The following DTNB variants were observed in gnomAD, a reference collection of about 807,000 sequenced individuals.
DTNB encodes the protein dystrobrevin beta.
In DTNB, 63 loss-of-function variants were observed where a neutral mutation model predicts 90.7. The ratio of observed to expected loss-of-function variants is 0.69; its 90% CI spans 0.57 to 0.86. The LOEUF (loss-of-function observed/expected upper bound fraction) is 0.86. DTNB is among the 40% of genes least tolerant of loss of function. The pLI is 0.00. For synonymous variants in DTNB, 277 were observed against 286.7 expected (o/e 0.97, Z 0.34); for missense variants, 744 against 807.1 (o/e 0.92, Z 0.95).
rs201389721 is a variant in DTNB at position 25,635,078 on chromosome 2, AG to A, written c.148+3935del. On this transcript the variant is annotated intron_variant, in intron 3 of 20. Transcript: ENST00000406818. ...TAAAAAAAAATAAAAAAATAAAAAA[AG>A]AAAAAAAAAAAAAGAAATTTTAAAA... Among the ~76,000 whole-genome samples, 466 of 147,526 alleles carry A rather than the reference AG, an allele frequency of 3.2e-3. 1 individual carries two copies. Among genetic ancestry groups the A allele is most frequent in the East Asian group, 7.8e-3 (38 of 4,890 alleles).
intron 3 of DTNB, among the ~76,000 whole-genome samples, chr2:25,633,607 G>C (rs1032286232): frequency 1.3e-5 from 2 of 151,932 alleles, no homozygotes; most frequent in South Asian, 4.2e-4. Context: ...AGTGAGGAGC[G>C]TCTCTGCCTA....
chr2:25,621,482 T>C lies in DTNB; in HGVS notation c.362+6689A>G, dbSNP rs182008467. Reference sequence around the variant, plus strand: ...TTTTTTTGAGACGGAGTTTTGCTCTTATTGCCCAGGCTGAAGTGCAGTGGT... The same window carrying C: ...TTTTTTTGAGACGGAGTTTTGCTCTCATTGCCCAGGCTGAAGTGCAGTGGT... On this transcript the variant is annotated intron_variant, in intron 4 of 20. Coordinates refer to ENST00000406818, the MANE Select transcript of DTNB (RefSeq NM_021907.5). Among the ~76,000 whole-genome samples, 71 of 151,552 alleles carry C rather than the reference T, an allele frequency of 4.7e-4. 1 individual carries two copies. Among genetic ancestry groups the C allele is most frequent in the African/African-American group, 1.6e-3 (66 of 41,336 alleles).
chr2:25,541,035 TA>T (rs1234544712), intron 8 of DTNB, among the ~76,000 whole-genome samples: 42 of 92,030 alleles, frequency 4.6e-4, no homozygotes, highest in Non-Finnish European at 5.5e-4. Flanking sequence ...AATGATCAAT[TA>T]AAAAAAAAAA....
At chr2:25,602,004 C>T (rs2065987384) in intron 5 of DTNB, among the ~76,000 whole-genome samples, 1 of 152,088 alleles carries the variant, frequency 6.6e-6, no homozygotes, top group South Asian at 2.1e-4. Flanking sequence ...CGCCTGTAGT[C>T]CCAGCTACTT....
intron 10 of DTNB, among the ~76,000 whole-genome samples, chr2:25,467,938 A>G (rs2062090837): frequency 6.6e-6 from 1 of 152,116 alleles, no homozygotes; most frequent in African/African-American, 2.4e-5. Flanking sequence ...AAACAAGTAT[A>G]CACATGGTAT....
intron 8 of DTNB, among the ~76,000 whole-genome samples, chr2:25,551,618 C>G (rs1180504641): frequency 6.6e-6 from 1 of 152,174 alleles, no homozygotes; most frequent in Non-Finnish European, 1.5e-5. Context: ...TTAAAGATAT[C>G]TTACAGCTTT....
chr2:25,568,152 GTCTCAAAAAAAAAAAA>G (rs2059316980), intron 8 of DTNB, among the ~76,000 whole-genome samples: 2 of 145,012 alleles, frequency 1.4e-5, no homozygotes, highest in African/African-American at 5.4e-5. Context: ...GGGAGACTCC[GTCTCAAAAAAAAAAAA>G]AAGAGGAAAA....
At chr2:25,463,936 T>C (rs1235664322) in intron 10 of DTNB, among the ~76,000 whole-genome samples, 1 of 152,232 alleles carries the variant, frequency 6.6e-6, no homozygotes, top group African/African-American at 2.4e-5. Flanking sequence ...GCCTGGGCTC[T>C]GTTGCCCAGG....
At chr2:25,409,740 C>T (rs781488958) in intron 16 of DTNB, among the ~76,000 whole-genome samples, 5 of 152,168 alleles carry the variant, frequency 3.3e-5, no homozygotes, top group Non-Finnish European at 5.9e-5. Flanking sequence ...AGAGAACCGA[C>T]GGTCCTTCTC....
At chr2:25,523,339 G>A (rs950795733) in intron 9 of DTNB, among the ~76,000 whole-genome samples, 52 of 152,126 alleles carry the variant, frequency 3.4e-4, no homozygotes, top group African/African-American at 1.2e-3. Context: ...CTTAGCAAGC[G>A]TTAAGAATTG....
At chr2:25,398,734 CCATGCTGTCTGATTGGCT>C (rs1016822448) in intron 16 of DTNB, among the ~76,000 whole-genome samples, 1 of 152,132 alleles carries the variant, frequency 6.6e-6, no homozygotes, top group Non-Finnish European at 1.5e-5. Context: ...CTACTCTCCC[CCATGCTGTCTGATTGGCT>C]CCTGCTGGTC....
At chr2:25,459,550 G>A (rs975315067) in intron 10 of DTNB, among the ~76,000 whole-genome samples, 1 of 152,128 alleles carries the variant, frequency 6.6e-6, no homozygotes, top group Non-Finnish European at 1.5e-5. Flanking sequence ...CTGGAGCGCA[G>A]TGGCGTGACC....
chr2:25,482,745 A>G, intron 10 of DTNB, 51 bp downstream of exon 10: 1 of 1,587,086 alleles, frequency 6.3e-7, no homozygotes. Flanking sequence ...GGGGCATCGC[A>G]AATCAGTAGC....
At chr2:25,446,701 A>G (rs1022647272) in intron 12 of DTNB, among the ~76,000 whole-genome samples, 6 of 152,124 alleles carry the variant, frequency 3.9e-5, no homozygotes, top group African/African-American at 7.2e-5. Flanking sequence ...TAGTTTCACT[A>G]TGATATGTCT....
intron 10 of DTNB, among the ~76,000 whole-genome samples, chr2:25,474,902 GT>G (rs2063475056): frequency 6.6e-6 from 1 of 152,140 alleles, no homozygotes; most frequent in Non-Finnish European, 1.5e-5. Context: ...TATTGTAATT[GT>G]TTTGGAGTGC....
intron 6 of DTNB, among the ~76,000 whole-genome samples, chr2:25,591,171 G>A (rs929955217): frequency 1.3e-5 from 2 of 152,212 alleles, no homozygotes; most frequent in South Asian, 4.1e-4. Context: ...CAGGCAGCGG[G>A]AGCAGACACC....
intron 16 of DTNB, 86 bp downstream of exon 16, chr2:25,419,429 G>A: frequency 1.3e-6 from 2 of 1,538,418 alleles, no homozygotes; most frequent in Non-Finnish European, 1.8e-6. Flanking sequence ...ATGATGTGCG[G>A]GGAGAAGAGG....
At chr2:25,648,993 CTTTTTTTTTTTT>C (rs60749102) in intron 2 of DTNB, among the ~76,000 whole-genome samples, 16 of 93,988 alleles carry the variant, frequency 1.7e-4, no homozygotes, top group South Asian at 3.9e-4. Context: ...TCCTTCCTAC[CTTTTTTTTTTTT>C]TTTTTTTTTT....
Position 25,379,303 on chromosome 2 carries a change from G to A in DTNB, c.*16C>T, listed in dbSNP as rs1234021186. On this transcript the variant is annotated 3_prime_UTR_variant, in exon 20 of 21. Coordinates refer to ENST00000406818, the MANE Select transcript of DTNB (RefSeq NM_021907.5). ...CTTTGTACTCACCTGAGCTTCCTCT[G>A]TGTCCGGCTCCTCTGCTAACCTGTG... The A allele has an allele frequency of 7.6e-7, 1 of 1,324,068 alleles. No individual in the cohort carries two copies. Among genetic ancestry groups the A allele is most frequent in the Non-Finnish European group, 9.7e-7 (1 of 1,027,470 alleles). 82.0% of individuals were successfully genotyped at this position (1,324,068 alleles called of 1,614,324 possible).
Sources: gnomAD v4.1 joint callset for allele counts (sites outside exome capture counted in the v4.1 genomes callset) on GRCh38, gnomAD v4.1.1 for gene constraint, MANE v1.5 for transcripts, NCBI Gene and HGNC (gene_info 2026-07-23, HGNC 2026-07-21) for gene names.